Variants in SPDYA observed in about 807,000 individuals in gnomAD.
SPDYA encodes the protein speedy/RINGO cell cycle regulator family member A.
In SPDYA, 11 loss-of-function variants were observed where a neutral mutation model predicts 36.7. The observed-to-expected ratio is 0.30, with a 90% CI of 0.19 to 0.50. The LOEUF (loss-of-function observed/expected upper bound fraction) is 0.50, where lower values mean the gene tolerates loss of function less well. Among genes scored for constraint, SPDYA ranks in the 20% least tolerant of loss-of-function variants. The pLI, the probability that SPDYA is intolerant of heterozygous loss-of-function variation, is 0.98. For missense variants in SPDYA, 287 were observed against 370.9 expected, an observed-to-expected ratio of 0.77 and a Z score of 1.86; for synonymous variants, 115 against 118.7, an observed-to-expected ratio of 0.97 and a Z score of 0.20.
Position 28,811,618 on chromosome 2 carries a change from G to C in SPDYA, c.-93+671G>C, listed in dbSNP as rs1032741989. 1.3e-5 allele frequency among the ~76,000 whole-genome samples: 2 copies of C among 151,726 alleles called. No individual in the cohort carries two copies. Among genetic ancestry groups the C allele is most frequent in the Non-Finnish European group, 2.9e-5 (2 of 67,954 alleles). On this transcript the variant is annotated intron_variant, in intron 1 of 7. Coordinates refer to ENST00000334056, the MANE Select transcript of SPDYA (RefSeq NM_182756.4). This position sits in a 1 kb window ranked among gnomAD's most constrained non-coding sequence, Gnocchi z 4.2. ...GGGCGAATCCTTGAGGCCAGGATTC[G>C]AGAGCAGCCCACAGCGAAAACCCCG...
At chr2:28,837,685 A>AT (rs754667131) in intron 6 of SPDYA, among the ~76,000 whole-genome samples, 76 of 152,104 alleles carry the variant, frequency 5.0e-4, no homozygotes, top group Non-Finnish European at 9.1e-4. Flanking sequence ...AAGACACACA[A>AT]TAAGTAAAGC....
Position 28,813,973 on chromosome 2 carries a change from A to C in SPDYA, c.-92-640A>C, listed in dbSNP as rs1282290352. ...CGTTCTTACTCAAGTCTCAAGGCTC[A>C]ATTTATCACCTACTCCTCTTTCTAT... On this transcript the variant is annotated intron_variant, in intron 1 of 7. Coordinates refer to ENST00000334056, the MANE Select transcript of SPDYA (RefSeq NM_182756.4). 5.3e-5 allele frequency among the ~76,000 whole-genome samples: 8 copies of C among 152,166 alleles called. No homozygotes were observed. In the East Asian group the frequency reaches 1.5e-3, roughly 29 times the overall value.
At chr2:28,821,102 A>G (rs1668143988) in intron 4 of SPDYA, among the ~76,000 whole-genome samples, 2 of 152,104 alleles carry the variant, frequency 1.3e-5, no homozygotes, top group Non-Finnish European at 2.9e-5. Context: ...TAAAACAATT[A>G]CAATGTCATA....
In SPDYA at chr2:28,850,338, AGGTTGCCAGTGTACT is replaced by A. The variant is rs1669023441; in HGVS notation, c.*401_*415del. 6.2e-7 allele frequency: 1 copy of A among 1,610,158 alleles called. No individual in the cohort carries two copies. Among genetic ancestry groups the A allele is most frequent in the South Asian group, 1.1e-5 (1 of 90,148 alleles). ...GAAAACATTACTCACCTGTATGACC[AGGTTGCCAGTGTACT>A]GGTCTAGCAACATAGGGAAATGATC... On this transcript the variant is annotated 3_prime_UTR_variant, in exon 8 of 8. Transcript: ENST00000334056.
chr2:28,837,880 T>G (rs189711907), intron 6 of SPDYA, among the ~76,000 whole-genome samples: 46 of 151,994 alleles, frequency 3.0e-4, no homozygotes, highest in Admixed American at 1.2e-3. Context: ...ACACCTATAT[T>G]ATACTACCTC....
intron 7 of SPDYA, among the ~76,000 whole-genome samples, chr2:28,843,071 T>C (rs1668785609): frequency 6.6e-6 from 1 of 152,228 alleles, no homozygotes; most frequent in Non-Finnish European, 1.5e-5. Context: ...TGCTTCCACC[T>C]TTCTTTCAAA....
At chr2:28,826,733 A>G (rs1357697814) in intron 5 of SPDYA, among the ~76,000 whole-genome samples, 2 of 141,002 alleles carry the variant, frequency 1.4e-5, no homozygotes, top group Non-Finnish European at 3.0e-5. Flanking sequence ...TCCCACCTCA[A>G]TCTCCCGAAT....
intron 2 of SPDYA, among the ~76,000 whole-genome samples, chr2:28,815,438 AAAT>A (rs1383149216): frequency 6.6e-6 from 1 of 152,298 alleles, no homozygotes; most frequent in East Asian, 1.9e-4. Flanking sequence ...ACTTTTCAAT[AAAT>A]ACCAATAAAT....
Position 28,811,956 on chromosome 2 carries a change from C to A in SPDYA, c.-93+1009C>A, listed in dbSNP as rs1235959064. On this transcript the variant is annotated intron_variant, in intron 1 of 7. Transcript: ENST00000334056. The surrounding 1 kb of genome is among the most constrained non-coding windows in gnomAD (Gnocchi z 4.2). ...TGGTTTTGTTTTCTTGGCAAGGTGA[C>A]GATAAGTAATACTGGAGTGCTTACT... 6.6e-6 allele frequency among the ~76,000 whole-genome samples: 1 copy of A among 152,004 alleles called. No individual in the cohort carries two copies. Among genetic ancestry groups the A allele is most frequent in the East Asian group, 1.9e-4 (1 of 5,190 alleles).
At chr2:28,813,986 C>T (rs1223696352) in intron 1 of SPDYA, among the ~76,000 whole-genome samples, 1 of 152,218 alleles carries the variant, frequency 6.6e-6, no homozygotes, top group Admixed American at 6.5e-5. Flanking sequence ...TTATCACCTA[C>T]TCCTCTTTCT....
intron 5 of SPDYA, among the ~76,000 whole-genome samples, chr2:28,828,314 C>CT: frequency 6.6e-6 from 1 of 151,980 alleles, no homozygotes; most frequent in Non-Finnish European, 1.5e-5. Flanking sequence ...ATTTTTGTTT[C>CT]TTTTTTCTCT....
intron 6 of SPDYA, among the ~76,000 whole-genome samples, chr2:28,837,970 C>T (rs904336377): frequency 2.0e-5 from 3 of 150,904 alleles, no homozygotes; most frequent in African/African-American, 7.4e-5. Context: ...TGACCCAAGG[C>T]ACCCCCCAAT....
At chr2:28,837,480 T>G (rs192840365) in intron 6 of SPDYA, among the ~76,000 whole-genome samples, 1 of 152,304 alleles carries the variant, frequency 6.6e-6, no homozygotes, top group East Asian at 1.9e-4. Flanking sequence ...ACAGGTATGG[T>G]AAAAGTCATT....
intron 5 of SPDYA, among the ~76,000 whole-genome samples, chr2:28,825,555 T>C (rs927763333): frequency 6.6e-6 from 1 of 152,224 alleles, no homozygotes; most frequent in African/African-American, 2.4e-5. Context: ...TTCTATACAG[T>C]CTTATAATGT....
chr2:28,816,280 T>G, intron 3 of SPDYA, 31 bp downstream of exon 3: 3 of 1,441,936 alleles, frequency 2.1e-6, no homozygotes, highest in Non-Finnish European at 2.8e-6. Flanking sequence ...TAGTGGTAAT[T>G]ATAAAGTACT....
intron 5 of SPDYA, among the ~76,000 whole-genome samples, chr2:28,827,726 T>C (rs928834896): frequency 6.6e-6 from 1 of 152,190 alleles, no homozygotes; most frequent in Non-Finnish European, 1.5e-5. Context: ...TGGTTTAATT[T>C]TCTTCATGTT....
rs375041828 is a variant in SPDYA at position 28,816,224 on chromosome 2, T to C, written c.210T>C (p.Asp70=). 1 of 1,603,952 alleles carries C rather than the reference T, an allele frequency of 6.2e-7. No individual in the cohort carries two copies. Among genetic ancestry groups the C allele is most frequent in the Non-Finnish European group, 8.5e-7 (1 of 1,177,296 alleles). The change falls in exon 3 of 8, where the codon GAT becomes GAC. Residue 70 remains aspartate, a synonymous_variant. Transcript: ENST00000334056. ...KGPCLVIQRQ[D]MTAFFKLFDD... ...CTTGTCTGGTTATACAGCGTCAGGA[T>C]ATGACTGCTTTCTTTAAATTATTTG... is the stretch of plus-strand genomic sequence containing the variant.
intron 7 of SPDYA, among the ~76,000 whole-genome samples, chr2:28,847,019 G>C (rs2148110852): frequency 6.6e-6 from 1 of 152,178 alleles, no homozygotes; most frequent in East Asian, 1.9e-4. Flanking sequence ...AAGGGTAGAA[G>C]AAAAGGGAGT....
intron 6 of SPDYA, among the ~76,000 whole-genome samples, chr2:28,831,834 C>T (rs765246188): frequency 3.1e-4 from 47 of 152,158 alleles, no homozygotes; most frequent in Non-Finnish European, 5.9e-4. Flanking sequence ...ATTCTGCCTT[C>T]CCTTTGTTAC....
Sources: allele counts gnomAD v4.1 joint callset (sites outside exome capture counted in the v4.1 genomes callset), GRCh38; gene constraint gnomAD v4.1.1; non-coding constraint Gnocchi (gnomAD v3.1); transcripts MANE v1.5; gene names NCBI Gene and HGNC (gene_info 2026-07-23, HGNC 2026-07-21).